The following AMPD1 variants were observed in gnomAD, a reference collection of about 807,000 sequenced individuals.
AMPD1 encodes the protein adenosine monophosphate deaminase 1, also known as AMP deaminase 1.
Under a neutral mutation model 82.9 loss-of-function variants are expected in AMPD1, and 74 were observed. The ratio of observed to expected loss-of-function variants is 0.89; its 90% CI spans 0.74 to 1.08. AMPD1 has a LOEUF of 1.08. Ranked by LOEUF, AMPD1 falls within the 50% of genes least tolerant of loss-of-function variation. The pLI is 0.00. For missense variants in AMPD1, 881 were observed against 924.5 expected (o/e 0.95, Z 0.61); for synonymous variants, 333 against 320.5 (o/e 1.04, Z -0.42).
chr1:114,673,453 G>T (rs1036077836), intron 15 of AMPD1, among the ~76,000 whole-genome samples, 181 bp from the exon 16 acceptor site: 2 of 152,140 alleles, frequency 1.3e-5, no homozygotes, highest in Non-Finnish European at 2.9e-5. Flanking sequence ...GAAATCAAGT[G>T]TATTTTACTT....
chr1:114,676,010 G>C lies in AMPD1; in HGVS notation c.1389-7C>G. 1.2e-6 allele frequency: 2 copies of C among 1,613,756 alleles called. No individual in the cohort carries two copies. Among genetic ancestry groups the C allele is most frequent in the Non-Finnish European group, 1.7e-6 (2 of 1,179,954 alleles). ...CTTGGAACGGAACACATCACTAGAG[G>C]CAAGAATGAAGAGAATTTAGGAGAA... On this transcript the variant is annotated splice_region_variant and splice_polypyrimidine_tract_variant and intron_variant, in intron 10 of 15. Coordinates refer to ENST00000520113, the MANE Select transcript of AMPD1 (RefSeq NM_000036.3).
intron 2 of AMPD1, among the ~76,000 whole-genome samples, chr1:114,689,516 G>A (rs951419246): frequency 6.6e-6 from 1 of 152,010 alleles, no homozygotes; most frequent in South Asian, 2.1e-4. Context: ...AGACCCTCAG[G>A]ATATAAGAAA....
chr1:114,680,543 A>G (rs1658128337), intron 5 of AMPD1, 65 bp from the exon 6 acceptor site: 1 of 1,352,124 alleles, frequency 7.4e-7, no homozygotes, highest in South Asian at 1.2e-5. Context: ...AAAAATAACC[A>G]AAATGTGAAA....
At chr1:114,679,316 T>C (rs1658085233) in intron 7 of AMPD1, among the ~76,000 whole-genome samples, 1 of 152,208 alleles carries the variant, frequency 6.6e-6, no homozygotes, top group Admixed American at 6.5e-5. Flanking sequence ...TTTTTGATGT[T>C]TTGTTGTTGT....
At chr1:114,693,923 C>T (rs1284856729) in intron 1 of AMPD1, among the ~76,000 whole-genome samples, 1 of 152,092 alleles carries the variant, frequency 6.6e-6, no homozygotes, top group Non-Finnish European at 1.5e-5. Context: ...ATAAAGAGGC[C>T]GGGTGCAGTG....
chr1:114,675,002 A>C, intron 12 of AMPD1, 130 bp from the exon 13 acceptor site: 1 of 1,198,236 alleles, frequency 8.3e-7, no homozygotes, highest in Non-Finnish European at 1.2e-6. Context: ...ACAGTCCCAA[A>C]TCATAATCTT....
chr1:114,684,362 A>T lies in AMPD1; in HGVS notation c.384T>A (p.Val128=). 1 of 1,613,544 alleles carries T rather than the reference A, an allele frequency of 6.2e-7. No homozygotes were observed. The highest frequency in any genetic ancestry group is 8.5e-7 in the Non-Finnish European group (1 of 1,179,868). ...AAACAATTTCAAAATCTTCAACTGTAACCTGCCAAAAAAAAAAAAGTCAGC... is the reference window on the plus strand; with the variant it reads ...AAACAATTTCAAAATCTTCAACTGTTACCTGCCAAAAAAAAAAAAGTCAGC... ...VQITGDYASG[V]TVEDFEIVCK... Residue 128 remains valine, a splice_region_variant and synonymous_variant, in exon 5 of 16, where the codon GTT becomes GTA. Transcript: ENST00000520113.
At chr1:114,683,148 A>T (rs773843723) in intron 5 of AMPD1, 3 of 464,768 alleles carry the variant, frequency 6.5e-6, no homozygotes, top group Non-Finnish European at 1.3e-5. Context: ...GTAAAAACTG[A>T]GATAAGTAAA....
Position 114,686,762 on chromosome 1 carries a change from C to T in AMPD1, c.364G>A (p.Gly122Ser), listed in dbSNP as rs765065639. The T allele has an allele frequency of 1.9e-6, 3 of 1,613,932 alleles. No homozygotes were observed. The highest frequency in any genetic ancestry group is 2.5e-6 in the Non-Finnish European group (3 of 1,179,968). The stretch of plus-strand genomic sequence containing the variant: ...CAACTCACCCCAGAGGCATAGTCAC[C>T]AGTAATCTGCACTCTCTGAAAATCA... ...VPDFQRVQIT[G>S]DYASGVTVED... is the part of the protein sequence containing the mutation. Residue 122 changes from glycine to serine, a missense_variant, in exon 4 of 16, where the codon GGT (glycine) becomes AGT (serine). Around this residue, in one of 2 missense-constraint regions of AMPD1, gnomAD observed 783 missense variants for 786.4 expected, o/e 1.00. Coordinates refer to ENST00000520113, the MANE Select transcript of AMPD1 (RefSeq NM_000036.3).
intron 6 of AMPD1, among the ~76,000 whole-genome samples, chr1:114,680,013 C>A (rs1359685373): frequency 6.6e-6 from 1 of 152,222 alleles, no homozygotes; most frequent in Admixed American, 6.5e-5. Flanking sequence ...CCAGCTGTGT[C>A]ACTTTAGGCA....
At chr1:114,680,232 G>T (rs1658115311) in intron 6 of AMPD1, 27 bp downstream of exon 6, 1 of 1,576,632 alleles carries the variant, frequency 6.3e-7, no homozygotes, top group South Asian at 1.1e-5. Flanking sequence ...ACTAGTTGTT[G>T]TTGTTTAGGT....
At position 114,675,978 on chromosome 1, in the gene AMPD1, G is replaced by C. The variant is rs761635115; in HGVS notation, c.1414C>G (p.Leu472Val). The stretch of plus-strand genomic sequence containing the variant: ...TCCAGCATTTTTCCAAAATGTGGAA[G>C]GAAATTCTTGGAACGGAACACATCA... ...IYDVFRSKNF[L>V]PHFGKMLENI... is the part of the protein sequence containing the mutation. Residue 472 changes from leucine to valine, a missense_variant, in exon 11 of 16, where the codon CTT becomes GTT. Leu to Val is a conservative substitution (Grantham distance 32, BLOSUM62 1). Transcript: ENST00000520113. 5.6e-6 allele frequency: 9 copies of C among 1,614,068 alleles called. No individual in the cohort carries two copies. In the South Asian group the frequency reaches 8.8e-5, roughly 16 times the overall value.
intron 11 of AMPD1, 56 bp downstream of exon 11, chr1:114,675,821 A>G: frequency 6.2e-7 from 1 of 1,613,700 alleles, no homozygotes; most frequent in Non-Finnish European, 8.5e-7. Flanking sequence ...AGTCATGACC[A>G]GGTAGGAAGG....
chr1:114,678,746 T>A (rs1359611814), intron 7 of AMPD1, among the ~76,000 whole-genome samples: 2 of 152,206 alleles, frequency 1.3e-5, no homozygotes, highest in African/African-American at 2.4e-5. Flanking sequence ...GCAATAAGAA[T>A]GCTTGCTTCT....
At position 114,676,241 on chromosome 1, in the gene AMPD1, C is replaced by G. The variant is rs190533946; in HGVS notation, c.1389-238G>C. ...CTATGTCCCCATCTTTTTTACAAAC[C>G]TTTGTCATAAGAAAACTAAACCTTC... On this transcript the variant is annotated intron_variant, in intron 10 of 15. Coordinates refer to ENST00000520113, the MANE Select transcript of AMPD1 (RefSeq NM_000036.3). 1.3e-3 allele frequency: 624 copies of G among 482,838 alleles called. 3 individuals carry two copies. The highest frequency in any genetic ancestry group is 0.011 in the African/African-American group (574 of 51,158). 29.9% of individuals were successfully genotyped at this position (482,838 alleles called of 1,614,324 possible). A position where few individuals can be genotyped will look rare whatever the true frequency, so the allele number is the denominator to read the frequency against.
intron 2 of AMPD1, among the ~76,000 whole-genome samples, chr1:114,692,199 C>T (rs1055380128): frequency 1.3e-5 from 2 of 152,134 alleles, no homozygotes; most frequent in Non-Finnish European, 2.9e-5. Context: ...TTCTTCTTAA[C>T]AGGTCCAGAA....
chr1:114,676,152 G>C, intron 10 of AMPD1, 149 bp from the exon 11 acceptor site: 1 of 1,013,584 alleles, frequency 9.9e-7, no homozygotes, highest in Non-Finnish European at 1.5e-6. Context: ...CATTCTTTTT[G>C]GTCCCCTATA....
chr1:114,675,609 T>G lies in AMPD1; in HGVS notation c.1600A>C (p.Thr534Pro). 6.2e-7 allele frequency: 1 copy of G among 1,614,174 alleles called. No individual in the cohort carries two copies. Among genetic ancestry groups the G allele is most frequent in the Non-Finnish European group, 8.5e-7 (1 of 1,179,996 alleles). ...SSKSPKPQEWTLEKNPSYTYY... is the reference protein window; with the variant it reads ...SSKSPKPQEWPLEKNPSYTYY... ...GTGTAAGATGGATTCTTTTCCAATG[T>G]CCACTCCTGGGGCTTGGGACTCTTG... is the stretch of plus-strand genomic sequence containing the variant. Residue 534 changes from threonine (T) to proline (P), a missense_variant, in exon 12 of 16, where the codon ACA becomes CCA. By Grantham distance (38) the Thr-to-Pro change is conservative. This residue lies in a region of AMPD1 where 783 missense variants were observed against 786.4 expected (regional missense o/e 1.00). Transcript: ENST00000520113.
rs553671727 is a variant in AMPD1, at chr1:114,691,718, A to G, written c.34+1718T>C. Among the ~76,000 whole-genome samples the G allele has an allele frequency of 1.1e-4, 16 of 152,082 alleles. No homozygotes were observed. The East Asian group carries it at 3.1e-3, about 29-fold the overall frequency. ...AGGTGGGCGGATCACCTGAGGTCAGAAGTTTGAGACCAGCCTGGCCAACAT... is the reference window on the plus strand; with the variant it reads ...AGGTGGGCGGATCACCTGAGGTCAGGAGTTTGAGACCAGCCTGGCCAACAT... On this transcript the variant is annotated intron_variant, in intron 2 of 15. Coordinates refer to ENST00000520113, the MANE Select transcript of AMPD1 (RefSeq NM_000036.3).
Sources: gnomAD v4.1 joint callset for allele counts (sites outside exome capture counted in the v4.1 genomes callset) on GRCh38, gnomAD v4.1.1 for gene constraint, gnomAD v4.1.1 regional missense constraint, MANE v1.5 for transcripts, NCBI Gene and HGNC (gene_info 2026-07-23, HGNC 2026-07-21) for gene names.